The following SPECC1 variants were observed in gnomAD, a reference collection of about 807,000 sequenced individuals.
SPECC1 encodes cytospin-B.
In SPECC1, 62 loss-of-function variants were observed where a neutral mutation model predicts 104.1. The observed-to-expected ratio is 0.60, with a 90% CI of 0.49 to 0.74. The LOEUF is 0.74. Ranked by LOEUF, SPECC1 falls within the 30% of genes least tolerant of loss-of-function variation. The pLI, the probability that SPECC1 is intolerant of heterozygous loss-of-function variation, is 0.00. For missense variants in SPECC1, 1,306 were observed against 1,310.5 expected (o/e 1.00, Z 0.05); for synonymous variants, 513 against 501.6 (o/e 1.02, Z -0.30).
chr17:20,263,885 T>TCG (rs1555530707), intron 12 of SPECC1, among the ~76,000 whole-genome samples: 2 of 150,260 alleles, frequency 1.3e-5, no homozygotes, highest in East Asian at 3.9e-4. Flanking sequence ...CTGGAGTGAT[T>TCG]TGTGTGTGTG....
intron 3 of SPECC1, among the ~76,000 whole-genome samples, chr17:20,194,502 A>ATTATTATTATTTTTTTTTTTTTTTTTTTT: frequency 2.3e-5 from 2 of 86,566 alleles, no homozygotes; most frequent in South Asian, 4.2e-4. Context: ...AAGAGAACGA[A>ATTATTATTATTTTTTTTTTTTTTTTTTTT]TTTTTTTTTT....
intron 1 of SPECC1, among the ~76,000 whole-genome samples, chr17:20,042,085 GTATTACGT>G (rs2045353509): frequency 6.6e-6 from 1 of 152,254 alleles, no homozygotes; most frequent in Non-Finnish European, 1.5e-5. Context: ...AACGATTTGG[GTATTACGT>G]TATCAGACTC....
chr17:20,073,619 C>T (rs964592568), intron 1 of SPECC1: 1 of 152,258 alleles, frequency 6.6e-6, no homozygotes, highest in South Asian at 2.1e-4. Context: ...CCTCCCAGGC[C>T]AGCACCAAAC....
At chr17:20,055,123 A>G (rs993500099) in intron 1 of SPECC1, among the ~76,000 whole-genome samples, 3 of 151,556 alleles carry the variant, frequency 2.0e-5, no homozygotes, top group East Asian at 3.9e-4. Context: ...CCTCCATTGT[A>G]CTCTTTGATT....
chr17:20,062,692 A>ATT (rs112506359), intron 1 of SPECC1, among the ~76,000 whole-genome samples: 14,790 of 142,976 alleles, frequency 0.1, 785 homozygotes, highest in Non-Finnish European at 0.13. Context: ...CAAGAAATAC[A>ATT]TTTTTTTTTT....
chr17:20,291,284 C>T (rs958518770), intron 12 of SPECC1, among the ~76,000 whole-genome samples: 1 of 152,198 alleles, frequency 6.6e-6, no homozygotes, highest in African/African-American at 2.4e-5. Flanking sequence ...TCACTCTTGT[C>T]GAAGACATGA....
chr17:20,089,806 G>C (rs939638259), intron 1 of SPECC1, among the ~76,000 whole-genome samples: 5 of 152,218 alleles, frequency 3.3e-5, no homozygotes, highest in Non-Finnish European at 5.9e-5. Flanking sequence ...GCAGGCATCT[G>C]ATCTGCTGGC....
chr17:20,096,617 C>T lies in SPECC1; in HGVS notation c.-21-14C>T, dbSNP rs1302958951. 1.3e-6 allele frequency: 2 copies of T among 1,582,688 alleles called. No individual in the cohort carries two copies. The highest frequency in any genetic ancestry group is 1.8e-5 in the Admixed American group (1 of 54,470). On this transcript the variant is annotated splice_polypyrimidine_tract_variant and intron_variant, in intron 1 of 14. Coordinates refer to ENST00000395527, the MANE Select transcript of SPECC1 (RefSeq NM_001243439.2). ...AGTGATGGAGACATGTTTTTCTTTT[C>T]TGCTCTTTTGCAGGACAGACCCACG...
chr17:20,160,384 G>A (rs1252378149), intron 3 of SPECC1, among the ~76,000 whole-genome samples: 7 of 152,228 alleles, frequency 4.6e-5, no homozygotes, highest in Non-Finnish European at 8.8e-5. Context: ...TTAGGGGCCA[G>A]GCCTAGAAGT....
chr17:20,071,459 C>T (rs1161595911), intron 1 of SPECC1, among the ~76,000 whole-genome samples: 1 of 152,000 alleles, frequency 6.6e-6, no homozygotes, highest in African/African-American at 2.4e-5. Flanking sequence ...AGAGAATAAT[C>T]AATTATTCTA....
intron 3 of SPECC1, among the ~76,000 whole-genome samples, chr17:20,175,808 G>GTGGGC (rs2034434342): frequency 6.6e-6 from 1 of 152,216 alleles, no homozygotes. Flanking sequence ...GGGTGGGACA[G>GTGGGC]TGGGCTGGAT....
chr17:20,080,997 T>G (rs916231937), intron 1 of SPECC1, among the ~76,000 whole-genome samples: 6 of 152,098 alleles, frequency 3.9e-5, no homozygotes, highest in South Asian at 2.1e-4. Context: ...CCAGTATGCC[T>G]CCTCCTTGCT....
At chr17:20,019,963 A>G (rs1330060340) in intron 1 of SPECC1, among the ~76,000 whole-genome samples, 2 of 152,246 alleles carry the variant, frequency 1.3e-5, no homozygotes, top group Non-Finnish European at 2.9e-5. Context: ...AGGAATGAAC[A>G]GTAAGTCATA....
chr17:20,225,546 A>G (rs2038147966), intron 4 of SPECC1, among the ~76,000 whole-genome samples: 2 of 152,106 alleles, frequency 1.3e-5, no homozygotes, highest in South Asian at 4.1e-4. Context: ...GACAGCACCA[A>G]ATTCCAATGC....
chr17:20,289,503 A>G (rs1367427017), intron 12 of SPECC1, among the ~76,000 whole-genome samples: 3 of 152,212 alleles, frequency 2.0e-5, no homozygotes, highest in African/African-American at 7.2e-5. Flanking sequence ...GGGTTTCACC[A>G]TGTTGGCCAG....
intron 3 of SPECC1, among the ~76,000 whole-genome samples, chr17:20,158,468 G>A (rs948925804): frequency 2.6e-5 from 4 of 152,186 alleles, no homozygotes; most frequent in African/African-American, 4.8e-5. Context: ...AAAGGGAAGC[G>A]GGAGGCAGCA....
intron 3 of SPECC1, among the ~76,000 whole-genome samples, chr17:20,182,109 CTTTCTT>C (rs2034935718): frequency 1.4e-5 from 1 of 71,076 alleles, no homozygotes; most frequent in East Asian, 1.1e-3. Flanking sequence ...TTTTCTTTTT[CTTTCTT>C]TTTCTTTTTT....
chr17:20,094,466 A>G lies in SPECC1; in HGVS notation c.-21-2165A>G, dbSNP rs945317972. ...TTTAACCAAGGACTTAGACTCCTGA[A>G]ATGTTGGGGAAAAGGTTGACAGGGA... On this transcript the variant is annotated intron_variant, in intron 1 of 14. Transcript: ENST00000395527. Among the ~76,000 whole-genome samples the G allele has an allele frequency of 4.6e-5, 7 of 152,130 alleles. 1 individual carries two copies. The highest frequency in any genetic ancestry group is 3.3e-4 in the Admixed American group (5 of 15,278).
chr17:20,074,560 C>T (rs952319302), intron 1 of SPECC1, among the ~76,000 whole-genome samples: 3 of 152,188 alleles, frequency 2.0e-5, no homozygotes, highest in Non-Finnish European at 4.4e-5. Context: ...AGAAGGTCCA[C>T]ACTAAGTTTT....
Sources: allele counts gnomAD v4.1 joint callset (sites outside exome capture counted in the v4.1 genomes callset), GRCh38; gene constraint gnomAD v4.1.1; transcripts MANE v1.5; gene names NCBI Gene and HGNC (gene_info 2026-07-23, HGNC 2026-07-21).